Variants in LPP observed in about 807,000 individuals in gnomAD.
LPP encodes lipoma-preferred partner.
Under a neutral mutation model 60.4 loss-of-function variants are expected in LPP, and 38 were observed. The observed-to-expected ratio is 0.63, with a 90% CI of 0.49 to 0.83. LPP has a LOEUF of 0.83. LPP is among the 40% of genes least tolerant of loss of function. The pLI, the probability that LPP is intolerant of heterozygous loss-of-function variation, is 0.00. For missense variants in LPP, 902 were observed against 783.6 expected, an observed-to-expected ratio of 1.15 and a Z score of -1.80; for synonymous variants, 328 against 290.8, an observed-to-expected ratio of 1.13 and a Z score of -1.30.
intron 6 of LPP, among the ~76,000 whole-genome samples, chr3:188,556,115 T>G (rs1459063933): frequency 1.3e-5 from 2 of 152,118 alleles, no homozygotes; most frequent in African/African-American, 4.8e-5. Context: ...CCAATGGATC[T>G]AGATCTTAGT....
At chr3:188,785,535 C>CATATATATAT (rs369062490) in intron 9 of LPP, among the ~76,000 whole-genome samples, 752 of 15,664 alleles carry the variant, frequency 0.048, 185 homozygotes, top group African/African-American at 0.2. Flanking sequence ...TATATTCCAT[C>CATATATATAT]ATATATATAT....
chr3:188,620,777 G>T (rs1368294375), intron 7 of LPP, among the ~76,000 whole-genome samples: 1 of 152,136 alleles, frequency 6.6e-6, no homozygotes, highest in Non-Finnish European at 1.5e-5. Context: ...AGGGTATGAG[G>T]ATCTCATTTT....
intron 5 of LPP, among the ~76,000 whole-genome samples, chr3:188,485,796 C>CAAAAA (rs766522013): frequency 0.013 from 504 of 40,140 alleles, 70 homozygotes; most frequent in African/African-American, 0.051. Flanking sequence ...GACTCCGTCT[C>CAAAAA]AAAAAAAAAA....
intron 7 of LPP, among the ~76,000 whole-genome samples, chr3:188,706,188 A>C (rs537329285): frequency 6.6e-6 from 1 of 152,344 alleles, no homozygotes; most frequent in Non-Finnish European, 1.5e-5. Context: ...GCTAATAAAT[A>C]AGTCAGTCAA....
intron 9 of LPP, among the ~76,000 whole-genome samples, chr3:188,781,336 G>T (rs1383552580): frequency 6.6e-6 from 1 of 152,164 alleles, no homozygotes; most frequent in Non-Finnish European, 1.5e-5. Context: ...CAGTACTTTT[G>T]TCAAGGACTG....
chr3:188,754,662 T>A (rs865785383), intron 8 of LPP, among the ~76,000 whole-genome samples: 5 of 143,968 alleles, frequency 3.5e-5, no homozygotes, highest in East Asian at 1.9e-4. Context: ...GGATCAATAT[T>A]TTTTTTTTTA....
intron 4 of LPP, among the ~76,000 whole-genome samples, chr3:188,440,027 A>G (rs935372927): frequency 6.6e-6 from 1 of 152,236 alleles, no homozygotes; most frequent in African/African-American, 2.4e-5. Context: ...TTCTCGTGGT[A>G]CTTAAATTTT....
At chr3:188,423,203 G>C (rs1788337891) in intron 4 of LPP, among the ~76,000 whole-genome samples, 1 of 152,022 alleles carries the variant, frequency 6.6e-6, no homozygotes, top group East Asian at 1.9e-4. Flanking sequence ...TGTGGTGTTT[G>C]GTTTTCTGTT....
intron 2 of LPP, among the ~76,000 whole-genome samples, chr3:188,315,504 T>C (rs1754759990): frequency 1.3e-5 from 2 of 152,186 alleles, no homozygotes; most frequent in Non-Finnish European, 2.9e-5. Context: ...TTTATTCATA[T>C]AAATAAGATA....
At chr3:188,444,843 T>C (rs1252168526) in intron 4 of LPP, among the ~76,000 whole-genome samples, 1 of 152,144 alleles carries the variant, frequency 6.6e-6, no homozygotes, top group African/African-American at 2.4e-5. Flanking sequence ...CAGGCACTTC[T>C]CAGAAGAAGA....
At position 188,610,529 on chromosome 3, in the gene LPP, C is replaced by A. The variant is rs904866438; in HGVS notation, c.1113+685C>A. Among the ~76,000 whole-genome samples the A allele has an allele frequency of 6.6e-6, 1 of 152,192 alleles. No individual in the cohort carries two copies. Among genetic ancestry groups the A allele is most frequent in the East Asian group, 1.9e-4 (1 of 5,204 alleles). On this transcript the variant is annotated intron_variant, in intron 7 of 11. Transcript: ENST00000617246. The surrounding 1 kb of genome is among the most constrained non-coding windows in gnomAD (Gnocchi z 4.4). ...CCCCTTGTTTATTCATTTTACTAAT[C>A]CTCCAGAAAGAATCTTATTCTTCAG...
chr3:188,357,651 T>C (rs1364203217), intron 3 of LPP, among the ~76,000 whole-genome samples: 1 of 152,126 alleles, frequency 6.6e-6, no homozygotes, highest in Non-Finnish European at 1.5e-5. Context: ...TCTGAAGAAA[T>C]TGGTGAGATA....
At position 188,577,928 on chromosome 3, in the gene LPP, G is replaced by A. The variant is rs544285419; in HGVS notation, c.430-31233G>A. Among the ~76,000 whole-genome samples the A allele has an allele frequency of 1.6e-4, 23 of 145,108 alleles. 1 individual carries two copies. The East Asian group carries it at 3.1e-3, about 19-fold the overall frequency. On this transcript the variant is annotated intron_variant, in intron 6 of 11. Coordinates refer to ENST00000617246, the MANE Select transcript of LPP (RefSeq NM_001375462.1). ...CCTCTCTCTCTCCTCCCTCCCTGCC[G>A]CCTTCCTTCTTTCCAGAAAGTCACT...
In LPP at chr3:188,416,507, A is replaced by T. The variant is rs572494884; in HGVS notation, c.193+10194A>T. Among the ~76,000 whole-genome samples the T allele has an allele frequency of 2.6e-5, 4 of 152,320 alleles. No individual in the cohort carries two copies. The East Asian group carries it at 7.7e-4, about 29-fold the overall frequency. ...ATTTATTTCATTAACTTCAGGGACC[A>T]GTGCCTTAATCTCCTTTGAACCTTC... On this transcript the variant is annotated intron_variant, in intron 4 of 11. Transcript: ENST00000617246.
intron 2 of LPP, among the ~76,000 whole-genome samples, chr3:188,283,540 C>T (rs754219446): frequency 3.5e-4 from 54 of 152,168 alleles, no homozygotes; most frequent in Non-Finnish European, 6.6e-4. Flanking sequence ...TTCTGACTTG[C>T]AGTTCAGATT....
chr3:188,379,162 A>T (rs951374362), intron 3 of LPP, among the ~76,000 whole-genome samples: 2 of 152,126 alleles, frequency 1.3e-5, no homozygotes, highest in African/African-American at 2.4e-5. Context: ...GAAACATAAG[A>T]CACAAGTTTG....
chr3:188,292,979 A>G (rs1266415786), intron 2 of LPP, among the ~76,000 whole-genome samples: 1 of 152,222 alleles, frequency 6.6e-6, no homozygotes, highest in Non-Finnish European at 1.5e-5. Flanking sequence ...CTGTGTAATA[A>G]TTAGCTCCAA....
chr3:188,475,539 A>C (rs1346161), intron 4 of LPP, among the ~76,000 whole-genome samples: 110,685 of 152,106 alleles, frequency 0.73, 40,940 homozygotes, highest in Non-Finnish European at 0.79. Context: ...GTTAACATAC[A>C]GGCCTATATA....
chr3:188,403,411 T>C (rs890352235), intron 3 of LPP, among the ~76,000 whole-genome samples: 2 of 152,226 alleles, frequency 1.3e-5, no homozygotes, highest in Non-Finnish European at 2.9e-5. Context: ...AAAATGACTT[T>C]AGATTTATAG....
Sources: allele counts gnomAD v4.1 joint callset (sites outside exome capture counted in the v4.1 genomes callset), GRCh38; gene constraint gnomAD v4.1.1; non-coding constraint Gnocchi (gnomAD v3.1); transcripts MANE v1.5; gene names NCBI Gene and HGNC (gene_info 2026-07-23, HGNC 2026-07-21).